Variants in MACROD2 observed in about 807,000 individuals in gnomAD.
The protein encoded by MACROD2 is ADP-ribose glycohydrolase MACROD2.
A neutral mutation model predicts 70.4 loss-of-function variants in MACROD2; 36 were observed. The observed-to-expected ratio is 0.51, with a 90% confidence interval of 0.39 to 0.68. The LOEUF (loss-of-function observed/expected upper bound fraction) is 0.68, where lower values mean the gene tolerates loss of function less well. Among genes scored for constraint, MACROD2 ranks in the 30% least tolerant of loss-of-function variants. The pLI is 0.00. For synonymous variants in MACROD2, 172 were observed against 178.8 expected, an observed-to-expected ratio of 0.96 and a Z score of 0.30; for missense variants, 496 against 538.4, an observed-to-expected ratio of 0.92 and a Z score of 0.78.
At chr20:15,323,627 C>A (rs2077895838) in intron 6 of MACROD2, among the ~76,000 whole-genome samples, 1 of 152,164 alleles carries the variant, frequency 6.6e-6, no homozygotes, top group Non-Finnish European at 1.5e-5. Context: ...AGTTGTCCCC[C>A]TTAGCTTTTC....
chr20:15,855,153 C>T (rs1164316651), intron 8 of MACROD2, among the ~76,000 whole-genome samples: 1 of 152,182 alleles, frequency 6.6e-6, no homozygotes, highest in Non-Finnish European at 1.5e-5. Context: ...ATAATCTTGG[C>T]TGTGTCAGCT....
At chr20:15,863,968 A>G (rs986422472) in intron 9 of MACROD2, among the ~76,000 whole-genome samples, 12 of 152,224 alleles carry the variant, frequency 7.9e-5, no homozygotes, top group African/African-American at 2.9e-4. Flanking sequence ...TTAAGGCTTC[A>G]ACTAAAGTAT....
chr20:14,477,983 C>T (rs1221906340), intron 3 of MACROD2, among the ~76,000 whole-genome samples: 2 of 152,104 alleles, frequency 1.3e-5, no homozygotes, highest in Non-Finnish European at 2.9e-5. Context: ...CTTTTTCCTG[C>T]TATTACCCAC....
At chr20:14,661,579 G>A (rs778344586) in intron 4 of MACROD2, among the ~76,000 whole-genome samples, 9 of 151,932 alleles carry the variant, frequency 5.9e-5, no homozygotes, top group Non-Finnish European at 1.0e-4. Context: ...GTCAATTTTC[G>A]GTTTTGTTGC....
chr20:15,531,176 GA>G (rs35411938), intron 8 of MACROD2, among the ~76,000 whole-genome samples: 5 of 151,100 alleles, frequency 3.3e-5, no homozygotes, highest in Non-Finnish European at 7.4e-5. Flanking sequence ...GAATAAATAG[GA>G]AAAAAATTTT....
At chr20:15,431,336 T>C (rs2046361344) in intron 6 of MACROD2, 69 bp from the exon 7 acceptor site, 5 of 1,404,022 alleles carry the variant, frequency 3.6e-6, no homozygotes, top group Middle Eastern at 1.8e-4. Flanking sequence ...AAAATAGATG[T>C]TGAGAAAGAT....
chr20:14,952,081 A>G (rs779793204), intron 5 of MACROD2, among the ~76,000 whole-genome samples: 1 of 151,986 alleles, frequency 6.6e-6, no homozygotes, highest in Non-Finnish European at 1.5e-5. Flanking sequence ...TTCACAAATT[A>G]CTATTTTTCT....
intron 5 of MACROD2, among the ~76,000 whole-genome samples, chr20:14,928,321 GT>G (rs1305644581): frequency 1.3e-5 from 2 of 152,154 alleles, no homozygotes; most frequent in Non-Finnish European, 2.9e-5. Context: ...CTACCTAGAT[GT>G]TTTTGTTCAT....
At chr20:15,823,507 T>C (rs780153267) in intron 8 of MACROD2, among the ~76,000 whole-genome samples, 2 of 152,210 alleles carry the variant, frequency 1.3e-5, no homozygotes, top group African/African-American at 4.8e-5. Flanking sequence ...TATTCCATTC[T>C]TTGATCAAAC....
intron 6 of MACROD2, among the ~76,000 whole-genome samples, chr20:15,262,194 C>T (rs2077255326): frequency 1.3e-5 from 2 of 151,900 alleles, no homozygotes; most frequent in Admixed American, 1.3e-4. Flanking sequence ...ACACTTCCCC[C>T]TTACACCTAC....
At chr20:15,841,997 G>C (rs935641210) in intron 8 of MACROD2, among the ~76,000 whole-genome samples, 1 of 152,086 alleles carries the variant, frequency 6.6e-6, no homozygotes, top group Admixed American at 6.6e-5. Context: ...AATTGGGTAG[G>C]TGTGTTGGGC....
chr20:14,476,382 G>T (rs2084594833), intron 3 of MACROD2, among the ~76,000 whole-genome samples: 1 of 152,216 alleles, frequency 6.6e-6, no homozygotes, highest in South Asian at 2.1e-4. Context: ...TTGAGACAAA[G>T]TCTCCCTCTG....
At chr20:14,757,474 T>A in intron 5 of MACROD2, 1 of 502,824 alleles carries the variant, frequency 2.0e-6, no homozygotes, top group Non-Finnish European at 3.6e-6. Context: ...GTTATTTTTC[T>A]TAGGTAGGCA....
At chr20:14,963,454 C>T (rs944534485) in intron 5 of MACROD2, among the ~76,000 whole-genome samples, 1 of 152,048 alleles carries the variant, frequency 6.6e-6, no homozygotes, top group African/African-American at 2.4e-5. Flanking sequence ...TGCCAGAGTC[C>T]CGACCTCCAT....
At chr20:15,653,840 G>A (rs1390148327) in intron 8 of MACROD2, among the ~76,000 whole-genome samples, 3 of 152,132 alleles carry the variant, frequency 2.0e-5, no homozygotes, top group African/African-American at 4.8e-5. Flanking sequence ...GTAAGACCTT[G>A]TAACCCTCAG....
chr20:15,124,172 G>A (rs1195614909), intron 5 of MACROD2, among the ~76,000 whole-genome samples: 1 of 151,604 alleles, frequency 6.6e-6, no homozygotes, highest in Non-Finnish European at 1.5e-5. Flanking sequence ...CATTTACTTA[G>A]CTAGTAAGAC....
intron 6 of MACROD2, among the ~76,000 whole-genome samples, chr20:15,426,649 G>A (rs2046302404): frequency 6.6e-6 from 1 of 150,918 alleles, no homozygotes; most frequent in South Asian, 2.1e-4. Flanking sequence ...TAGAATTTCT[G>A]ATGGCTGGGT....
At chr20:15,101,358 G>A (rs1381444587) in intron 5 of MACROD2, among the ~76,000 whole-genome samples, 4 of 151,568 alleles carry the variant, frequency 2.6e-5, no homozygotes, top group Admixed American at 1.3e-4. Flanking sequence ...GTTTAGTTTA[G>A]TTCATCTGCA....
intron 6 of MACROD2, among the ~76,000 whole-genome samples, chr20:15,334,053 A>G (rs2078021968): frequency 6.6e-6 from 1 of 151,568 alleles, no homozygotes; most frequent in African/African-American, 2.4e-5. Context: ...CTCTGCTCCA[A>G]CTCTTTGAAA....
Sources: allele counts gnomAD v4.1 joint callset (sites outside exome capture counted in the v4.1 genomes callset), GRCh38; gene constraint gnomAD v4.1.1; transcripts MANE v1.5; gene names NCBI Gene and HGNC (gene_info 2026-07-23, HGNC 2026-07-21).